Variants in SMAD3 observed in about 807,000 individuals in gnomAD.
SMAD3 encodes the protein SMAD family member 3, also known as MAD homolog 3.
In SMAD3, 12 loss-of-function variants were observed where a neutral mutation model predicts 51.8. The observed-to-expected ratio is 0.23, with a 90% CI of 0.15 to 0.38. The LOEUF (loss-of-function observed/expected upper bound fraction) is 0.38, where lower values mean the gene tolerates loss of function less well. Among genes scored for constraint, SMAD3 ranks in the 10% least tolerant of loss-of-function variants. The pLI is 1.00. For synonymous variants in SMAD3, 238 were observed against 227.7 expected (o/e 1.05, Z -0.41); for missense variants, 294 against 565.6 (o/e 0.52, Z 4.87).
At chr15:67,136,334 T>TC (rs1961661314) in intron 1 of SMAD3, among the ~76,000 whole-genome samples, 9 of 151,986 alleles carry the variant, frequency 5.9e-5, no homozygotes, top group Non-Finnish European at 8.8e-5. Context: ...CATTCTTTTT[T>TC]TTTTTTTTTT....
chr15:67,194,887 C>G lies in SMAD3; in HGVS notation c.*4351C>G, dbSNP rs987893015. The G allele has an allele frequency of 1.7e-5, 4 of 233,562 alleles. No individual in the cohort carries two copies. The highest frequency in any genetic ancestry group is 4.4e-5 in the African/African-American group (2 of 45,336). 14.5% of individuals were successfully genotyped at this position (233,562 alleles called of 1,614,324 possible). ...TCCAAGAAGCCTTCACTCACCTTCA[C>G]TGCTGCTGTTGCAACTCGGCTGTTC... On this transcript the variant is annotated 3_prime_UTR_variant, in exon 9 of 9. Coordinates refer to ENST00000327367, the MANE Select transcript of SMAD3 (RefSeq NM_005902.4).
intron 7 of SMAD3, 137 bp downstream of exon 7, chr15:67,185,001 G>C: frequency 8.6e-7 from 1 of 1,163,476 alleles, no homozygotes; most frequent in Non-Finnish European, 1.3e-6. Context: ...ATTGGATTAG[G>C]TTTTCTCTAT....
At position 67,181,509 on chromosome 15, in the gene SMAD3, C is replaced by T. The variant is rs549919159; in HGVS notation, c.871+56C>T. ...ACCCTGCCCCTGCCACTCTATCCCA[C>T]CCCCAGCCCCAGGCCTGAACACACA... On this transcript the variant is annotated intron_variant, in intron 6 of 8. Transcript: ENST00000327367. The T allele has an allele frequency of 1.1e-4, 155 of 1,386,928 alleles. 3 individuals carry two copies. In the East Asian group the frequency reaches 3.0e-3, roughly 27 times the overall value. The allele number at this position is 1,386,928 out of a possible 1,614,324, so 85.9% of individuals were successfully genotyped here.
chr15:67,093,298 T>A (rs1426683821), intron 1 of SMAD3, among the ~76,000 whole-genome samples: 1 of 152,222 alleles, frequency 6.6e-6, no homozygotes, highest in East Asian at 1.9e-4. Flanking sequence ...AAAAACTGCC[T>A]TGAACACCTT....
intron 1 of SMAD3, among the ~76,000 whole-genome samples, chr15:67,090,664 T>G (rs1960490338): frequency 6.6e-6 from 1 of 152,150 alleles, no homozygotes; most frequent in Non-Finnish European, 1.5e-5. Context: ...GGCTGAGCTG[T>G]TGTCCCCTGG....
intron 1 of SMAD3, among the ~76,000 whole-genome samples, chr15:67,140,140 G>A (rs1961780327): frequency 6.6e-6 from 1 of 151,418 alleles, no homozygotes. Context: ...AAAAGAGAAA[G>A]AAAAGTGAAT....
intron 1 of SMAD3, among the ~76,000 whole-genome samples, chr15:67,117,087 G>A (rs779792694): frequency 6.6e-6 from 1 of 152,252 alleles, no homozygotes; most frequent in African/African-American, 2.4e-5. Context: ...TTCTAAATAT[G>A]TCTCTGCCTC....
chr15:67,068,970 T>A (rs7162912), intron 1 of SMAD3, among the ~76,000 whole-genome samples: 17 of 151,992 alleles, frequency 1.1e-4, no homozygotes, highest in African/African-American at 4.1e-4. Flanking sequence ...CCCCTGTGTG[T>A]GGGGGGTTGG....
At chr15:67,115,742 C>T (rs1459397204) in intron 1 of SMAD3, among the ~76,000 whole-genome samples, 2 of 152,230 alleles carry the variant, frequency 1.3e-5, no homozygotes, top group African/African-American at 4.8e-5. Flanking sequence ...TTACTGGCAA[C>T]TTATGCTGTG....
intron 1 of SMAD3, among the ~76,000 whole-genome samples, chr15:67,105,053 C>T (rs1303445098): frequency 7.9e-5 from 12 of 152,374 alleles, no homozygotes; most frequent in Non-Finnish European, 2.9e-5. Context: ...TCCATCTCAC[C>T]TCCCTGAACA....
chr15:67,183,154 T>C (rs1431860495), intron 6 of SMAD3, among the ~76,000 whole-genome samples: 1 of 149,718 alleles, frequency 6.7e-6, no homozygotes, highest in African/African-American at 2.5e-5. Context: ...GTGATTCTCC[T>C]GCTTCAGCCT....
chr15:67,176,187 A>C (rs35251008), intron 5 of SMAD3, among the ~76,000 whole-genome samples: 1 of 151,954 alleles, frequency 6.6e-6, no homozygotes, highest in African/African-American at 2.4e-5. Context: ...CTAGCATAGG[A>C]GACTCAGGTA....
chr15:67,098,686 G>C (rs1960674973), intron 1 of SMAD3: 1 of 570,026 alleles, frequency 1.8e-6, no homozygotes, highest in Admixed American at 3.0e-5. Context: ...AAGAAAACAA[G>C]CTTCGGGAGT....
At chr15:67,131,862 T>C (rs1790857150) in intron 1 of SMAD3, among the ~76,000 whole-genome samples, 1 of 152,160 alleles carries the variant, frequency 6.6e-6, no homozygotes, top group African/African-American at 2.4e-5. Context: ...AGGAGATGGG[T>C]GCTTCTTCAG....
intron 1 of SMAD3, among the ~76,000 whole-genome samples, chr15:67,108,944 T>G (rs772033408): frequency 2.0e-5 from 3 of 152,242 alleles, no homozygotes; most frequent in Non-Finnish European, 4.4e-5. Context: ...TATTATGTAT[T>G]ATGAATGTTA....
intron 5 of SMAD3, among the ~76,000 whole-genome samples, chr15:67,180,129 C>G (rs927267615): frequency 2.0e-5 from 3 of 152,142 alleles, no homozygotes; most frequent in Non-Finnish European, 4.4e-5. Context: ...GCTAAGGGCT[C>G]GCGCCCAGCA....
chr15:67,162,721 A>G (rs966543932), intron 1 of SMAD3, among the ~76,000 whole-genome samples: 3 of 151,336 alleles, frequency 2.0e-5, no homozygotes, highest in African/African-American at 4.9e-5. Context: ...TCCACTTTCC[A>G]CAGGGCCTTT....
chr15:67,095,964 C>G (rs1342366879), intron 1 of SMAD3, among the ~76,000 whole-genome samples: 2 of 152,224 alleles, frequency 1.3e-5, no homozygotes, highest in Admixed American at 6.5e-5. Context: ...GCACAGACTT[C>G]TGCCGGACCT....
At chr15:67,098,898 A>AG (rs1470870096) in intron 1 of SMAD3, 3 of 702,210 alleles carry the variant, frequency 4.3e-6, no homozygotes, top group South Asian at 3.0e-5. Context: ...TCCGTTCCTG[A>AG]GGGGGCCAGT....
Sources: allele counts gnomAD v4.1 joint callset (sites outside exome capture counted in the v4.1 genomes callset), GRCh38; gene constraint gnomAD v4.1.1; transcripts MANE v1.5; gene names NCBI Gene and HGNC (gene_info 2026-07-23, HGNC 2026-07-21).